ZNF718: variants seen among roughly 807,000 people sequenced by gnomAD.
ZNF718 encodes zinc finger protein 718.
A neutral mutation model predicts 2.6 loss-of-function variants in ZNF718; 3 were observed. That is an observed-to-expected ratio of 1.16 (90% CI 0.53 to 3.01). The LOEUF is 3.01. Among genes scored for constraint, ZNF718 ranks in the 30% most tolerant of loss-of-function variants. The pLI is 0.03. For missense variants in ZNF718, 468 were observed against 230.0 expected, an observed-to-expected ratio of 2.03 and a Z score of -6.69; for synonymous variants, 135 against 77.9, an observed-to-expected ratio of 1.73 and a Z score of -3.86.
chr4:154,755 A>G (rs1553813307), intron 3 of ZNF718, among the ~76,000 whole-genome samples: 1 of 152,222 alleles, frequency 6.6e-6, no homozygotes, highest in African/African-American at 2.4e-5. Flanking sequence ...GATGTGATAG[A>G]CAAGAAAAAC....
At chr4:165,855 T>A (rs1285573672), downstream of ZNF718, among the ~76,000 whole-genome samples, 3 of 86,080 alleles carry the variant, frequency 3.5e-5, no homozygotes, top group African/African-American at 1.0e-4. Flanking sequence ...GTTCTTTTTT[T>A]TTATTATTAT....
rs1233065693 is a variant in ZNF718, at chr4:161,174, A to T, written c.489A>T (p.Ile163=). 6.5e-6 allele frequency: 5 copies of T among 766,640 alleles called. No homozygotes were observed. The African/African-American group carries it at 6.8e-5, about 10-fold the overall frequency. 47.5% of individuals were successfully genotyped at this position (766,640 alleles called of 1,614,324 possible). ...HKFSNSNKDK[I]RYTGDKTFKC... Reference sequence around the variant, plus strand: ...TTTCAAATTCAAACAAAGATAAGATAAGATATACTGGAGATAAAACCTTTA... The same window carrying T: ...TTTCAAATTCAAACAAAGATAAGATTAGATATACTGGAGATAAAACCTTTA... Residue 163 remains isoleucine, a synonymous_variant, in exon 4 of 4, where the codon ATA becomes ATT. Transcript: ENST00000510175.
intron 3 of ZNF718, among the ~76,000 whole-genome samples, chr4:195,112 T>C (rs1021062183): frequency 1.3e-5 from 2 of 152,198 alleles, no homozygotes; most frequent in African/African-American, 4.8e-5. Context: ...GCTGGGTTCC[T>C]GAGTATTTCA....
At chr4:139,919 G>T (rs570196466) in intron 3 of ZNF718, among the ~76,000 whole-genome samples, 2 of 152,164 alleles carry the variant, frequency 1.3e-5, no homozygotes, top group African/African-American at 4.8e-5. Flanking sequence ...CCACCTCCTG[G>T]TTTGCTTAAG....
Position 162,125 on chromosome 4 carries a change from A to G in ZNF718, c.*3A>G. On this transcript the variant is annotated 3_prime_UTR_variant, in exon 4 of 4. Transcript: ENST00000510175. ...CTCATACTGGAGGAAAATTTTAGAA[A>G]TGTGAAGAATGTGGGAGCCTTTAAG... The G allele has an allele frequency of 1.4e-6, 1 of 718,762 alleles. No homozygotes were observed. Among genetic ancestry groups the G allele is most frequent in the Non-Finnish European group, 2.6e-6 (1 of 390,570 alleles). 44.5% of individuals were successfully genotyped at this position (718,762 alleles called of 1,614,324 possible).
chr4:180,937 A>T (rs1348758276), intron 3 of ZNF718, among the ~76,000 whole-genome samples: 4 of 152,136 alleles, frequency 2.6e-5, no homozygotes, highest in Non-Finnish European at 5.9e-5. Flanking sequence ...AAAACTTAAA[A>T]TGTTTTGCCA....
rs151130654 is a variant in ZNF718, at chr4:156,083, T to C, written c.227-4829T>C. Among the ~76,000 whole-genome samples the C allele has an allele frequency of 8.5e-3, 1,297 of 152,282 alleles. 19 individuals carry two copies. Among genetic ancestry groups the C allele is most frequent in the Middle Eastern group, 0.061 (18 of 294 alleles). ...TTCACTTTGTACCTCCCACAATGAT[T>C]TTGAGGCCACCCCAGCCACATGTGA... On this transcript the variant is annotated intron_variant, in intron 3 of 3. Transcript: ENST00000510175.
At chr4:131,544 A>C in intron 3 of ZNF718, 39 bp downstream of exon 3, 1 of 365,492 alleles carries the variant, frequency 2.7e-6, no homozygotes, top group Non-Finnish European at 4.7e-6. Context: ...ACAGACAAGG[A>C]GGCCAAAAGT....
Position 161,158 on chromosome 4 carries a change from C to A in ZNF718, c.473C>A (p.Ser158Ter). 1 of 760,182 alleles carries A rather than the reference C, an allele frequency of 1.3e-6. No individual in the cohort carries two copies. Among genetic ancestry groups the A allele is most frequent in the Non-Finnish European group, 2.5e-6 (1 of 407,694 alleles). 47.1% of individuals were successfully genotyped at this position (760,182 alleles called of 1,614,324 possible). A position where few individuals can be genotyped will look rare whatever the true frequency, so the allele number is the denominator to read the frequency against. Residue 158 changes from serine (S) to a stop codon, truncating the protein, a stop_gained, in exon 4 of 4, where the codon TCA becomes TAA. Transcript: ENST00000510175. LOFTEE classifies it low-confidence loss of function (END_TRUNC). ...AAAGTTTTTCATAAATTTTCAAATT[C>A]AAACAAAGATAAGATAAGATATACT... ...CVKVFHKFSN[S>*]NKDKIRYTGD...
At chr4:173,478 G>T (rs1006204802) in intron 3 of ZNF718, among the ~76,000 whole-genome samples, 1 of 152,162 alleles carries the variant, frequency 6.6e-6, no homozygotes, top group Non-Finnish European at 1.5e-5. Flanking sequence ...CAGCTCAGCA[G>T]TCAGAGCTCT....
At chr4:171,289 C>T (rs887200934) in intron 3 of ZNF718, among the ~76,000 whole-genome samples, 18 of 152,174 alleles carry the variant, frequency 1.2e-4, no homozygotes, top group Non-Finnish European at 1.9e-4. Flanking sequence ...ACTTGGGAGT[C>T]AGGGACGCAC....
At chr4:167,863 C>G (rs1553817200), downstream of ZNF718, among the ~76,000 whole-genome samples, 2 of 152,018 alleles carry the variant, frequency 1.3e-5, no homozygotes, top group Non-Finnish European at 2.9e-5. Context: ...GCCTGATTGC[C>G]CTGGCCAGAA....
At chr4:196,498 G>C (rs1283025551) in intron 3 of ZNF718, among the ~76,000 whole-genome samples, 1 of 152,206 alleles carries the variant, frequency 6.6e-6, no homozygotes, top group Non-Finnish European at 1.5e-5. Flanking sequence ...AGAGGAAATA[G>C]ATACAGAGGT....
At chr4:197,956 T>C (rs1428562764) in intron 3 of ZNF718, among the ~76,000 whole-genome samples, 24 of 152,016 alleles carry the variant, frequency 1.6e-4, no homozygotes, top group African/African-American at 5.3e-4. Flanking sequence ...CAGAAAGAAG[T>C]AAATGGAGTC....
At chr4:200,182 A>G (rs182777120) in intron 3 of ZNF718, among the ~76,000 whole-genome samples, 189 of 152,358 alleles carry the variant, frequency 1.2e-3, no homozygotes, top group African/African-American at 4.3e-3. Context: ...ACCTGGCAAA[A>G]TATTGAACAT....
chr4:145,570 T>C (rs1357163134), intron 3 of ZNF718, among the ~76,000 whole-genome samples: 1 of 152,094 alleles, frequency 6.6e-6, no homozygotes, highest in East Asian at 1.9e-4. Flanking sequence ...TCAAGCAATC[T>C]TCCCACCTTA....
At chr4:124,492 A>G (rs1249980025), upstream of ZNF718, 7 of 773,008 alleles carry the variant, frequency 9.1e-6, no homozygotes, top group Non-Finnish European at 1.3e-5. Flanking sequence ...GGCATCCGGG[A>G]TCTGGCGCGG....
intron 3 of ZNF718, among the ~76,000 whole-genome samples, chr4:169,802 A>G (rs1471122454): frequency 8.5e-5 from 13 of 152,172 alleles, no homozygotes; most frequent in African/African-American, 1.9e-4. Flanking sequence ...TCTTTATCCA[A>G]TTTGCCAGTC....
At chr4:181,822 C>T (rs1553819866) in intron 3 of ZNF718, among the ~76,000 whole-genome samples, 2 of 152,102 alleles carry the variant, frequency 1.3e-5, no homozygotes, top group Non-Finnish European at 2.9e-5. Context: ...CTTCCTCTCA[C>T]CTTCCATACT....
Sources: gnomAD v4.1 joint callset for allele counts (sites outside exome capture counted in the v4.1 genomes callset) on GRCh38, gnomAD v4.1.1 for gene constraint, MANE v1.5 for transcripts, NCBI Gene and HGNC (gene_info 2026-07-23, HGNC 2026-07-21) for gene names.